FAM13B: variants seen among roughly 807,000 people sequenced by gnomAD.
FAM13B encodes the protein family with sequence similarity 13 member B.
In FAM13B, 60 loss-of-function variants were observed where a neutral mutation model predicts 117.3. That is an observed-to-expected ratio of 0.51 (90% confidence interval 0.42 to 0.63). FAM13B has a LOEUF of 0.63. Among genes scored for constraint, FAM13B ranks in the 30% least tolerant of loss-of-function variants. The pLI is 0.00. For synonymous variants in FAM13B, 332 were observed against 356.1 expected, an observed-to-expected ratio of 0.93 and a Z score of 0.76; for missense variants, 972 against 1,091.9, an observed-to-expected ratio of 0.89 and a Z score of 1.55.
intron 8 of FAM13B, 76 bp downstream of exon 8, chr5:137,988,198 T>C: frequency 1.8e-6 from 2 of 1,121,186 alleles, no homozygotes; most frequent in South Asian, 1.6e-5. Context: ...TGAGCACAAG[T>C]ACATTATTTT....
intron 20 of FAM13B, among the ~76,000 whole-genome samples, chr5:137,945,507 T>C (rs1763184162): frequency 6.6e-6 from 1 of 152,260 alleles, no homozygotes; most frequent in Admixed American, 6.5e-5. Context: ...TGATGCATTT[T>C]CAACGACATG....
intron 6 of FAM13B, among the ~76,000 whole-genome samples, chr5:138,009,019 C>T (rs1165622940): frequency 4.6e-5 from 7 of 152,066 alleles, no homozygotes; most frequent in African/African-American, 9.7e-5. Flanking sequence ...GGCATGTGCC[C>T]GTAATCCCAG....
At chr5:137,987,878 A>C (rs2150597722) in intron 8 of FAM13B, among the ~76,000 whole-genome samples, 1 of 152,322 alleles carries the variant, frequency 6.6e-6, no homozygotes, top group Middle Eastern at 3.4e-3. Flanking sequence ...TTGTCCCTAT[A>C]ATTCACTCCT....
At chr5:137,993,096 A>T (rs1224409879) in intron 7 of FAM13B, among the ~76,000 whole-genome samples, 1 of 152,236 alleles carries the variant, frequency 6.6e-6, no homozygotes, top group Non-Finnish European at 1.5e-5. Flanking sequence ...AAACCAGATC[A>T]AGAATTTACA....
intron 10 of FAM13B, among the ~76,000 whole-genome samples, chr5:137,982,614 G>A (rs1469500796): frequency 6.6e-6 from 1 of 152,074 alleles, no homozygotes; most frequent in Non-Finnish European, 1.5e-5. Context: ...AATACACAGG[G>A]ACATAGAAAA....
At chr5:138,029,449 T>C (rs1789329195) in intron 1 of FAM13B, among the ~76,000 whole-genome samples, 1 of 152,248 alleles carries the variant, frequency 6.6e-6, no homozygotes, top group Non-Finnish European at 1.5e-5. Context: ...ATGGAAATAC[T>C]ACTAGAATAT....
intron 7 of FAM13B, among the ~76,000 whole-genome samples, chr5:138,003,965 C>T (rs1438281038): frequency 1.3e-5 from 2 of 152,076 alleles, no homozygotes; most frequent in Non-Finnish European, 2.9e-5. Context: ...CTAGGAGCTG[C>T]AATTAAAGAA....
chr5:137,957,748 G>C (rs996187899), intron 13 of FAM13B, among the ~76,000 whole-genome samples: 3 of 152,134 alleles, frequency 2.0e-5, no homozygotes, highest in Admixed American at 6.5e-5. Flanking sequence ...GAACAAGTAG[G>C]GGACCTACAT....
At chr5:137,954,519 C>CAT in intron 14 of FAM13B, 143 bp from the exon 15 acceptor site, 1 of 461,450 alleles carries the variant, frequency 2.2e-6, no homozygotes, top group East Asian at 3.3e-5. Flanking sequence ...CACACACACA[C>CAT]ACACATACAT....
At chr5:138,036,299 T>G (rs1231918168), upstream of FAM13B, 1 of 415,440 alleles carries the variant, frequency 2.4e-6, no homozygotes, top group Non-Finnish European at 4.9e-6. Context: ...ATGGTGCTGC[T>G]GTGTTAGCCT....
intron 11 of FAM13B, 46 bp downstream of exon 11, chr5:137,962,359 C>T: frequency 6.5e-7 from 1 of 1,549,842 alleles, no homozygotes; most frequent in Non-Finnish European, 8.9e-7. Context: ...CTGTGAAGAG[C>T]TCCAATTCTC....
intron 8 of FAM13B, among the ~76,000 whole-genome samples, chr5:137,988,055 G>T (rs187943113): frequency 1.9e-4 from 29 of 152,074 alleles, no homozygotes; most frequent in Admixed American, 1.7e-3. Flanking sequence ...TTATTTCAGA[G>T]GATTCAAAAA....
intron 10 of FAM13B, among the ~76,000 whole-genome samples, chr5:137,970,890 C>G (rs1771903653): frequency 6.6e-6 from 1 of 152,026 alleles, no homozygotes; most frequent in Admixed American, 6.6e-5. Context: ...GTAAAGGGAT[C>G]AATTCAACAA....
At chr5:138,003,748 T>C (rs976100559) in intron 7 of FAM13B, among the ~76,000 whole-genome samples, 4 of 152,154 alleles carry the variant, frequency 2.6e-5, no homozygotes, top group Non-Finnish European at 5.9e-5. Context: ...CCCACAGCTA[T>C]GTGCTCCAAA....
In FAM13B at chr5:137,939,361, T is replaced by A; in HGVS notation, c.*864A>T. The A allele has an allele frequency of 1.3e-5, 2 of 152,738 alleles. 1 individual carries two copies. Among genetic ancestry groups the A allele is most frequent in the Admixed American group, 1.3e-4 (2 of 15,278 alleles). 9.5% of individuals were successfully genotyped at this position (152,738 alleles called of 1,614,324 possible). A position where few individuals can be genotyped will look rare whatever the true frequency, so the allele number is the denominator to read the frequency against. On this transcript the variant is annotated 3_prime_UTR_variant, in exon 24 of 24. Coordinates refer to ENST00000689681, the MANE Select transcript of FAM13B (RefSeq NM_001385994.1). ...ATTGAACACACAAATCTGAGCACCA[T>A]CAGAGTTCCTACATACTGACATGGC...
intron 4 of FAM13B, 21 bp from the exon 5 acceptor site, chr5:138,011,966 GT>G: frequency 2.0e-6 from 3 of 1,518,294 alleles, no homozygotes; most frequent in South Asian, 1.2e-5. Flanking sequence ...ATAATAACAG[GT>G]TTTTTTCAAT....
chr5:138,021,008 T>G, intron 2 of FAM13B, 23 bp downstream of exon 2: 1 of 1,228,674 alleles, frequency 8.1e-7, no homozygotes, highest in Non-Finnish European at 1.0e-6. Flanking sequence ...GAGCACGAGA[T>G]AGTTACCATT....
rs1166973072 is a variant in FAM13B at position 138,043,619 on chromosome 5, T to C, written c.-203+8259A>G. On this transcript the variant is annotated intron_variant, in intron 1 of 3. Coordinates refer to the FAM13B transcript ENST00000502471. ...CACGCCCGGCTGATTTTTTGTATTT[T>C]AGTAGAGACAGGGTTTCACCATGTT... Among the ~76,000 whole-genome samples the C allele has an allele frequency of 2.6e-5, 4 of 152,108 alleles. No individual in the cohort carries two copies. In the East Asian group the frequency reaches 7.8e-4, roughly 29 times the overall value.
chr5:138,006,043 C>T (rs922570942), intron 7 of FAM13B, among the ~76,000 whole-genome samples: 16 of 151,992 alleles, frequency 1.1e-4, no homozygotes, highest in Admixed American at 5.2e-4. Flanking sequence ...GGACTACAGG[C>T]GCGCGCCACC....
Sources: gnomAD v4.1 joint callset for allele counts (sites outside exome capture counted in the v4.1 genomes callset) on GRCh38, gnomAD v4.1.1 for gene constraint, MANE v1.5 for transcripts, NCBI Gene and HGNC (gene_info 2026-07-23, HGNC 2026-07-21) for gene names.